RIC1: variants seen among roughly 807,000 people sequenced by gnomAD.
RIC1 encodes guanine nucleotide exchange factor subunit RIC1.
Under a neutral mutation model 169.0 loss-of-function variants are expected in RIC1, and 88 were observed. The observed-to-expected ratio is 0.52, with a 90% CI of 0.44 to 0.62. The LOEUF (loss-of-function observed/expected upper bound fraction) is 0.62. RIC1 is among the 20% of genes least tolerant of loss of function. The pLI, the probability that RIC1 is intolerant of heterozygous loss-of-function variation, is 0.00. For missense variants in RIC1, 1,877 were observed against 1,725.5 expected (o/e 1.09, Z -1.56); for synonymous variants, 790 against 601.5 (o/e 1.31, Z -4.59).
chr9:5,634,644 A>G (rs1274033122), intron 1 of RIC1, among the ~76,000 whole-genome samples: 1 of 151,796 alleles, frequency 6.6e-6, no homozygotes, highest in African/African-American at 2.4e-5. Context: ...TGGTTTGCAG[A>G]TATTTTCTCC....
intron 3 of RIC1, among the ~76,000 whole-genome samples, chr9:5,694,366 C>T (rs1821766816): frequency 1.3e-5 from 2 of 152,140 alleles, no homozygotes; most frequent in South Asian, 2.1e-4. Context: ...GCCACTTTTT[C>T]CCCGTATTTC....
chr9:5,647,963 T>TGGC (rs1818607975), intron 1 of RIC1, among the ~76,000 whole-genome samples: 1 of 130,180 alleles, frequency 7.7e-6, no homozygotes, highest in Non-Finnish European at 1.6e-5. Context: ...GTGGTGGTGG[T>TGGC]GGTGGTGGTG....
intron 3 of RIC1, among the ~76,000 whole-genome samples, chr9:5,702,315 C>T (rs901991841): frequency 1.3e-5 from 2 of 152,004 alleles, no homozygotes; most frequent in African/African-American, 4.8e-5. Context: ...TAAATAAACA[C>T]CTAAGACTGG....
intron 3 of RIC1, among the ~76,000 whole-genome samples, chr9:5,690,264 T>C (rs1323689594): frequency 2.0e-5 from 3 of 152,140 alleles, no homozygotes; most frequent in Non-Finnish European, 4.4e-5. Flanking sequence ...TTTTCTTGGG[T>C]ATTCAGAATG....
intron 7 of RIC1, among the ~76,000 whole-genome samples, chr9:5,735,306 C>A (rs776504031): frequency 3.3e-5 from 5 of 152,182 alleles, no homozygotes; most frequent in Non-Finnish European, 7.3e-5. Context: ...GCCCACACAT[C>A]AGGCATGGAA....
chr9:5,772,763 A>T, intron 24 of RIC1, 22 bp downstream of exon 24: 7 of 1,593,170 alleles, frequency 4.4e-6, no homozygotes, highest in Non-Finnish European at 6.0e-6. Context: ...GGCTATTTGA[A>T]ATCACAGAAT....
At chr9:5,767,915 C>T (rs1416622504) in intron 21 of RIC1, among the ~76,000 whole-genome samples, 1 of 152,184 alleles carries the variant, frequency 6.6e-6, no homozygotes. Flanking sequence ...CAAGTGCTTA[C>T]TACATGCCAG....
In RIC1 at chr9:5,763,480, G is replaced by C; in HGVS notation, c.2453G>C (p.Cys818Ser). Residue 818 changes from cysteine to serine, a missense_variant, in exon 19 of 26, where the codon TGT becomes TCT. By Grantham distance (112) the Cys-to-Ser change is moderately radical. This residue lies in a region of RIC1 where 1,104 missense variants were observed against 992.0 expected (regional missense o/e 1.11). Transcript: ENST00000414202. The surrounding 1 kb of genome is among the most constrained non-coding windows in gnomAD (Gnocchi z 5.2). Reference sequence around the variant, plus strand: ...CAGCTGGAGGTGCTCTTCCCTTTCTGTGTTGTGGAGAGAACCTCTCAGATC... The same window carrying C: ...CAGCTGGAGGTGCTCTTCCCTTTCTCTGTTGTGGAGAGAACCTCTCAGATC... ...REQLEVLFPF[C>S]VVERTSQIYL... 6.2e-7 allele frequency: 1 copy of C among 1,614,154 alleles called. No homozygotes were observed. The highest frequency in any genetic ancestry group is 8.5e-7 in the Non-Finnish European group (1 of 1,180,014).
At chr9:5,655,523 A>G (rs1819042797) in intron 1 of RIC1, among the ~76,000 whole-genome samples, 1 of 151,920 alleles carries the variant, frequency 6.6e-6, no homozygotes, top group African/African-American at 2.4e-5. Flanking sequence ...CTGGTCGCAA[A>G]CTCCTGACCT....
At chr9:5,668,510 T>C (rs1189070979) in intron 2 of RIC1, among the ~76,000 whole-genome samples, 1 of 152,218 alleles carries the variant, frequency 6.6e-6, no homozygotes, top group East Asian at 1.9e-4. Context: ...CTTCTATTCC[T>C]ATATTATGTA....
chr9:5,768,877 T>G, intron 21 of RIC1, 93 bp from the exon 22 acceptor site: 1 of 1,345,020 alleles, frequency 7.4e-7, no homozygotes, highest in South Asian at 1.4e-5. Context: ...ATCTCTTATC[T>G]CCTTGTCAGC....
At chr9:5,730,017 A>AT (rs1398460891) in intron 6 of RIC1, among the ~76,000 whole-genome samples, 1 of 151,438 alleles carries the variant, frequency 6.6e-6, no homozygotes, top group Admixed American at 6.6e-5. Flanking sequence ...TAATTAAATA[A>AT]TTTTTTCTAA....
intron 7 of RIC1, among the ~76,000 whole-genome samples, chr9:5,737,984 A>C (rs988999291): frequency 1.3e-5 from 2 of 152,190 alleles, no homozygotes; most frequent in Middle Eastern, 3.4e-3. Context: ...GGTGTGGCAG[A>C]GGCAGAAGAA....
intron 3 of RIC1, among the ~76,000 whole-genome samples, chr9:5,702,679 C>G (rs563165256): frequency 2.0e-5 from 3 of 152,150 alleles, no homozygotes; most frequent in Non-Finnish European, 4.4e-5. Context: ...GCTGGGACTA[C>G]AGGCACACGC....
chr9:5,635,278 T>TC (rs1477750495), intron 1 of RIC1, among the ~76,000 whole-genome samples: 4 of 152,206 alleles, frequency 2.6e-5, no homozygotes, highest in Middle Eastern at 3.4e-3. Context: ...CCACACCCAG[T>TC]CCTTATTCAT....
intron 3 of RIC1, among the ~76,000 whole-genome samples, chr9:5,707,299 T>C (rs763215942): frequency 6.6e-6 from 1 of 152,164 alleles, no homozygotes; most frequent in Non-Finnish European, 1.5e-5. Context: ...TGGTTTAATA[T>C]CCATTCTGTC....
At chr9:5,756,509 G>T in intron 16 of RIC1, 137 bp downstream of exon 16, 1 of 467,840 alleles carries the variant, frequency 2.1e-6, no homozygotes, top group Non-Finnish European at 3.6e-6. Flanking sequence ...AAAGCAAGGA[G>T]TTTTAATTAG....
In RIC1 at chr9:5,774,843, AT is replaced by A. The variant is rs1827490864; in HGVS notation, c.*598del. 6.6e-6 allele frequency: 1 copy of A among 152,272 alleles called. No homozygotes were observed. Among genetic ancestry groups the A allele is most frequent in the Non-Finnish European group, 1.5e-5 (1 of 68,068 alleles). The allele number at this position is 152,272 out of a possible 1,614,324, so 9.4% of individuals were successfully genotyped here. ...ATGGAAGCTATTTACCTGTGAGTTA[AT>A]GTGCTTGTTTTAGCAAGCTTGATTC... On this transcript the variant is annotated 3_prime_UTR_variant, in exon 26 of 26. Coordinates refer to ENST00000414202, the MANE Select transcript of RIC1 (RefSeq NM_020829.4).
At chr9:5,724,592 CTG>C (rs1823833634) in intron 6 of RIC1, among the ~76,000 whole-genome samples, 1 of 152,302 alleles carries the variant, frequency 6.6e-6, no homozygotes, top group Non-Finnish European at 1.5e-5. Flanking sequence ...ACTTCCAACA[CTG>C]TGTTGAATAG....
Sources: gnomAD v4.1 joint callset for allele counts (sites outside exome capture counted in the v4.1 genomes callset) on GRCh38, gnomAD v4.1.1 for gene constraint, gnomAD v4.1.1 regional missense constraint, Gnocchi (gnomAD v3.1) non-coding constraint, MANE v1.5 for transcripts, NCBI Gene and HGNC (gene_info 2026-07-23, HGNC 2026-07-21) for gene names.